The following C7orf78 variants were observed in gnomAD, a reference collection of about 807,000 sequenced individuals.
C7orf78 encodes chromosome 7 open reading frame 78.
the C7orf78 span, chr7:12,506,717 C>A: frequency 7.7e-6 from 2 of 258,788 alleles, no homozygotes; most frequent in Non-Finnish European, 1.5e-5. Context: ...GTACAGCAAA[C>A]CAACATGGCA....
At chr7:12,519,100 C>G in the C7orf78 span, among the ~76,000 whole-genome samples, 1 of 152,042 alleles carries the variant, frequency 6.6e-6, no homozygotes, top group Non-Finnish European at 1.5e-5. Flanking sequence ...ATGAGGATCC[C>G]ACCCTCTATT....
the C7orf78 span, among the ~76,000 whole-genome samples, chr7:12,536,478 G>T: frequency 6.6e-6 from 1 of 152,118 alleles, no homozygotes. Context: ...AGGCCTCTGG[G>T]CCTGTGATGG....
the C7orf78 span, among the ~76,000 whole-genome samples, chr7:12,511,063 A>C: frequency 3.3e-5 from 5 of 151,980 alleles, no homozygotes; most frequent in Non-Finnish European, 5.9e-5. Flanking sequence ...TGATTTTTGC[A>C]TATGGTGAGA....
the C7orf78 span, among the ~76,000 whole-genome samples, chr7:12,530,158 T>C: frequency 1.3e-5 from 2 of 152,124 alleles, no homozygotes; most frequent in Non-Finnish European, 2.9e-5. Flanking sequence ...AAGCTTTGTC[T>C]GTTAAGTCAG....
chr7:12,510,086 C>T, the C7orf78 span, among the ~76,000 whole-genome samples: 7 of 149,870 alleles, frequency 4.7e-5, no homozygotes, highest in East Asian at 1.9e-4. Context: ...TTATGGTTGA[C>T]GGGTATTCTA....
chr7:12,490,356 A>C, the C7orf78 span, among the ~76,000 whole-genome samples: 3,058 of 152,116 alleles, frequency 0.02, 44 homozygotes, highest in Middle Eastern at 0.048. Flanking sequence ...TGATGCTTGT[A>C]AACAAGAGCC....
the C7orf78 span, among the ~76,000 whole-genome samples, chr7:12,512,957 A>G: frequency 6.6e-6 from 1 of 151,976 alleles, no homozygotes; most frequent in Admixed American, 6.5e-5. Flanking sequence ...CTTTATATGC[A>G]TATAGTTGTT....
the C7orf78 span, among the ~76,000 whole-genome samples, chr7:12,535,613 T>C: frequency 6.6e-6 from 1 of 152,164 alleles, no homozygotes. Context: ...CCCTAAGTTT[T>C]AACTCATTTC....
At chr7:12,514,090 A>G in the C7orf78 span, among the ~76,000 whole-genome samples, 2 of 152,158 alleles carry the variant, frequency 1.3e-5, no homozygotes, top group African/African-American at 4.8e-5. Flanking sequence ...TTTAAATTCA[A>G]TGTTTCTTTA....
the C7orf78 span, among the ~76,000 whole-genome samples, chr7:12,499,552 C>G: frequency 6.7e-6 from 1 of 148,594 alleles, no homozygotes; most frequent in Non-Finnish European, 1.5e-5. Context: ...TATATGCACC[C>G]AATACAGGAG....
the C7orf78 span, among the ~76,000 whole-genome samples, chr7:12,527,988 G>A: frequency 2.7e-5 from 4 of 149,424 alleles, no homozygotes; most frequent in Non-Finnish European, 4.4e-5. Context: ...TATGCTAAGT[G>A]TCACTCACTT....
chr7:12,497,365 C>A, the C7orf78 span, among the ~76,000 whole-genome samples: 3 of 152,196 alleles, frequency 2.0e-5, no homozygotes, highest in African/African-American at 7.2e-5. Context: ...TCAGTGAGTG[C>A]GCACACCGTG....
chr7:12,532,355 C>T, the C7orf78 span, among the ~76,000 whole-genome samples: 1 of 152,028 alleles, frequency 6.6e-6, no homozygotes, highest in Non-Finnish European at 1.5e-5. Flanking sequence ...CGAGACCAGC[C>T]TGACCAACAT....
the C7orf78 span, among the ~76,000 whole-genome samples, chr7:12,518,700 A>G: frequency 4.7e-3 from 721 of 152,210 alleles, 3 homozygotes; most frequent in African/African-American, 0.016. Flanking sequence ...TGTGGTGCCA[A>G]TTTGGGAGTG....
chr7:12,507,915 C>T, the C7orf78 span, among the ~76,000 whole-genome samples: 1 of 152,142 alleles, frequency 6.6e-6, no homozygotes, highest in East Asian at 1.9e-4. Flanking sequence ...ACCGTCTTTT[C>T]AGTTTGTGGG....
At chr7:12,494,684 A>T in the C7orf78 span, among the ~76,000 whole-genome samples, 1 of 152,220 alleles carries the variant, frequency 6.6e-6, no homozygotes, top group African/African-American at 2.4e-5. Flanking sequence ...TCATCTGTTT[A>T]GAAATACATA....
At chr7:12,497,463 C>G in the C7orf78 span, among the ~76,000 whole-genome samples, 21 of 79,148 alleles carry the variant, frequency 2.7e-4, no homozygotes, top group Non-Finnish European at 4.4e-4. Flanking sequence ...AAAGGGGTGA[C>G]GGACGGCACC....
At chr7:12,508,021 A>G in the C7orf78 span, among the ~76,000 whole-genome samples, 2 of 152,340 alleles carry the variant, frequency 1.3e-5, no homozygotes, top group Non-Finnish European at 2.9e-5. Flanking sequence ...CTCAGTCTAC[A>G]TCATGCTACG....
chr7:12,493,170 T>C, the C7orf78 span, among the ~76,000 whole-genome samples: 15 of 152,234 alleles, frequency 9.9e-5, no homozygotes, highest in African/African-American at 1.4e-4. Flanking sequence ...CACTCTAGCC[T>C]GGGCGGCAGA....
Sources: allele counts gnomAD v4.1 joint callset (sites outside exome capture counted in the v4.1 genomes callset), GRCh38; gene constraint gnomAD v4.1.1; transcripts MANE v1.5; gene names NCBI Gene and HGNC (gene_info 2026-07-23, HGNC 2026-07-21).